The following ERBB3 variants were observed in gnomAD, a reference collection of about 807,000 sequenced individuals.
ERBB3 encodes the protein receptor tyrosine-protein kinase erbB-3.
ERBB3 carries 96 observed loss-of-function variants against 156.7 expected under a neutral mutation model. That is an observed-to-expected ratio of 0.61 (90% CI 0.52 to 0.73). The LOEUF is 0.73. Ranked by LOEUF, ERBB3 falls within the 30% of genes least tolerant of loss-of-function variation. The pLI is 0.00. For synonymous variants in ERBB3, 567 were observed against 632.0 expected, an observed-to-expected ratio of 0.90 and a Z score of 1.54; for missense variants, 1,406 against 1,709.4, an observed-to-expected ratio of 0.82 and a Z score of 3.13.
rs116991809 is a variant in ERBB3, at chr12:56,099,291, C to T, written c.2840-357C>T. ...CATTTTCTGACTTCCCTCTGTACTC[C>T]TCTTATGGCTCTATTCCTTTTTTTT... On this transcript the variant is annotated intron_variant, in intron 23 of 27. Coordinates refer to ENST00000267101, the MANE Select transcript of ERBB3 (RefSeq NM_001982.4). Among the ~76,000 whole-genome samples the T allele has an allele frequency of 7.1e-4, 108 of 151,470 alleles. 4 individuals are homozygous for T. In the East Asian group the frequency reaches 0.012, roughly 17 times the overall value.
chr12:56,087,067 G>C (rs941095090), intron 4 of ERBB3, among the ~76,000 whole-genome samples: 5 of 151,154 alleles, frequency 3.3e-5, no homozygotes, highest in African/African-American at 9.7e-5. Context: ...AGCCCAGGAG[G>C]CTGCAGCTGC....
At position 56,096,292 on chromosome 12, in the gene ERBB3, C is replaced by T. The variant is rs1868886012; in HGVS notation, c.2056-211C>T. ...TCCTCCATCAAAGGGAAAACCCAAC[C>T]CCTTTGATTCCTGATCTCATGAGCA... On this transcript the variant is annotated intron_variant, in intron 17 of 27. Coordinates refer to ENST00000267101, the MANE Select transcript of ERBB3 (RefSeq NM_001982.4). The T allele has an allele frequency of 2.4e-5, 15 of 626,206 alleles. No individual in the cohort carries two copies. The East Asian group carries it at 4.2e-4, about 18-fold the overall frequency. 38.8% of individuals were successfully genotyped at this position (626,206 alleles called of 1,614,324 possible).
At position 56,097,865 on chromosome 12, in the gene ERBB3, G is replaced by A. The variant is rs751770045; in HGVS notation, c.2541G>A (p.Gln847=). 6.2e-7 allele frequency: 1 copy of A among 1,614,016 alleles called. No homozygotes were observed. The highest frequency in any genetic ancestry group is 8.5e-7 in the Non-Finnish European group (1 of 1,180,012). Reference sequence around the variant, plus strand: ...ACGTGCTACTCAAGTCACCCAGTCAGGTTCAGGTGGCAGATTTTGGTGTGG... The same window carrying A: ...ACGTGCTACTCAAGTCACCCAGTCAAGTTCAGGTGGCAGATTTTGGTGTGG... The part of the protein sequence containing the change: ...ARNVLLKSPS[Q]VQVADFGVAD... Residue 847 remains glutamine, a synonymous_variant, in exon 21 of 28, where the codon CAG becomes CAA. Coordinates refer to ENST00000267101, the MANE Select transcript of ERBB3 (RefSeq NM_001982.4).
chr12:56,095,386 G>T, intron 16 of ERBB3, 76 bp downstream of exon 16: 1 of 1,262,990 alleles, frequency 7.9e-7, no homozygotes, highest in South Asian at 1.2e-5. Context: ...GGAGAGAAGA[G>T]GGAGGCTGTC....
At chr12:56,094,378 C>T in intron 14 of ERBB3, 24 bp from the exon 15 acceptor site, 2 of 1,613,974 alleles carry the variant, frequency 1.2e-6, no homozygotes, top group Non-Finnish European at 1.7e-6. Context: ...TCTGATTCTT[C>T]CTGACCTTCT....
At chr12:56,099,604 A>G (rs775537159) in intron 23 of ERBB3, 44 bp from the exon 24 acceptor site, 18 of 1,538,630 alleles carry the variant, frequency 1.2e-5, no homozygotes, top group Non-Finnish European at 1.6e-5. Flanking sequence ...CGGCCATGGA[A>G]TGTATTCTCT....
At chr12:56,086,684 CCAGTCCCACCAAACCAGAGTGA>C (rs1395763584) in intron 4 of ERBB3, 28 bp downstream of exon 4, 2 of 1,613,494 alleles carry the variant, frequency 1.2e-6, no homozygotes, top group South Asian at 2.2e-5. Flanking sequence ...AGATTGCTCC[CCAGTCCCACCAAACCAGAGTGA>C]CTCCCTTCTT....
chr12:56,096,908 G>A (rs1868907355), intron 19 of ERBB3, 62 bp downstream of exon 19: 1 of 1,347,144 alleles, frequency 7.4e-7, no homozygotes, highest in Non-Finnish European at 1.0e-6. Context: ...CAATCATGTA[G>A]AAGCAGGGTC....
chr12:56,101,808 A>T lies in ERBB3; in HGVS notation c.3782A>T (p.Glu1261Val). 1 of 1,613,242 alleles carries T rather than the reference A, an allele frequency of 6.2e-7. No homozygotes were observed. The highest frequency in any genetic ancestry group is 1.3e-5 in the African/African-American group (1 of 74,656). Residue 1261 changes from glutamate to valine, a missense_variant, in exon 28 of 28, where the codon GAA becomes GTA. By Grantham distance (121) the Glu-to-Val change is moderately radical. Transcript: ENST00000267101. ...TAGTTPDEDY[E>V]YMNRQRDGGG... is the part of the protein sequence containing the mutation. ...GGCACAACTCCAGATGAAGACTATG[A>T]ATATATGAATCGGCAACGAGATGGA...
intron 21 of ERBB3, chr12:56,098,202 A>G (rs1868954502): frequency 7.2e-6 from 4 of 557,902 alleles, no homozygotes; most frequent in Non-Finnish European, 1.3e-5. Flanking sequence ...CAGGAGATCA[A>G]GACCATCCTG....
intron 12 of ERBB3, 107 bp downstream of exon 12, chr12:56,093,657 A>C: frequency 6.4e-7 from 1 of 1,570,802 alleles, no homozygotes; most frequent in African/African-American, 1.3e-5. Flanking sequence ...GATGGAACCA[A>C]GGAGAAGGGG....
chr12:56,094,290 T>TA, intron 14 of ERBB3, 101 bp downstream of exon 14: 1 of 1,469,422 alleles, frequency 6.8e-7, no homozygotes, highest in Non-Finnish European at 9.5e-7. Context: ...AGAGGCCAGA[T>TA]AATGCTAGGG....
At chr12:56,094,001 C>T (rs1868806985) in intron 13 of ERBB3, 98 bp from the exon 14 acceptor site, 3 of 1,571,888 alleles carry the variant, frequency 1.9e-6, no homozygotes, top group Non-Finnish European at 2.6e-6. Flanking sequence ...CTGCATGTGC[C>T]TTGGTGGGAT....
rs1025451826 is a variant in ERBB3, at chr12:56,102,344, G to A, written c.*289G>A. On this transcript the variant is annotated 3_prime_UTR_variant, in exon 28 of 28. Coordinates refer to ENST00000267101, the MANE Select transcript of ERBB3 (RefSeq NM_001982.4). ...TCTTCACAGGCACTCCTGGAGATAT[G>A]AAGGATTACTCTCCATATCCCTTCC... is the stretch of plus-strand genomic sequence containing the variant. 3 of 456,194 alleles carry A rather than the reference G, an allele frequency of 6.6e-6. No individual in the cohort carries two copies. The highest frequency in any genetic ancestry group is 1.2e-5 in the Non-Finnish European group (3 of 250,062). 28.3% of individuals were successfully genotyped at this position (456,194 alleles called of 1,614,324 possible).
rs1868983999 is a variant in ERBB3 at position 56,098,809 on chromosome 12, C to T, written c.2743C>T (p.Leu915=). 2 of 1,614,086 alleles carry T rather than the reference C, an allele frequency of 1.2e-6. No individual in the cohort carries two copies. The highest frequency in any genetic ancestry group is 1.1e-5 in the South Asian group (1 of 91,078). Residue 915 remains leucine, a synonymous_variant, in exon 23 of 28, where the codon CTA becomes TTA. Transcript: ENST00000267101. ...MTFGAEPYAG[L]RLAEVPDLLE... is the part of the protein sequence containing the mutation. ...CTTCGGGGCAGAGCCCTATGCAGGG[C>T]TACGATTGGCTGAAGTACCAGACCT... is the stretch of plus-strand genomic sequence containing the variant.
chr12:56,092,118 A>G (rs1031785723), intron 9 of ERBB3, among the ~76,000 whole-genome samples: 3 of 150,438 alleles, frequency 2.0e-5, no homozygotes, highest in Non-Finnish European at 4.4e-5. Context: ...GGCCAGGTGC[A>G]GTGGCTCATG....
In ERBB3 at chr12:56,094,079, C is replaced by G; in HGVS notation, c.1614-20C>G. On this transcript the variant is annotated intron_variant, in intron 13 of 27. Coordinates refer to ENST00000267101, the MANE Select transcript of ERBB3 (RefSeq NM_001982.4). The stretch of plus-strand genomic sequence containing the variant: ...CAGGACTTGGAAGTGACCCCCCCCT[C>G]CCTTTATTCCCCACTACAGGGAGCC... 2 of 1,604,742 alleles carry G rather than the reference C, an allele frequency of 1.2e-6. No individual in the cohort carries two copies. Among genetic ancestry groups the G allele is most frequent in the Non-Finnish European group, 1.7e-6 (2 of 1,172,120 alleles).
chr12:56,097,702 T>C (rs1253071978), intron 20 of ERBB3, 83 bp from the exon 21 acceptor site: 2 of 1,428,656 alleles, frequency 1.4e-6, no homozygotes, highest in East Asian at 4.5e-5. Flanking sequence ...TGCTGAGAGG[T>C]ACCTTCAAGA....
intron 25 of ERBB3, 64 bp from the exon 26 acceptor site, chr12:56,100,109 AG>A: frequency 1.3e-6 from 2 of 1,589,430 alleles, no homozygotes; most frequent in Non-Finnish European, 8.6e-7. Flanking sequence ...AACTACTCAA[AG>A]GCCCCCATGG....
Sources: allele counts gnomAD v4.1 joint callset (sites outside exome capture counted in the v4.1 genomes callset), GRCh38; gene constraint gnomAD v4.1.1; transcripts MANE v1.5; gene names NCBI Gene and HGNC (gene_info 2026-07-23, HGNC 2026-07-21).